PRAP1: variants seen among roughly 807,000 people sequenced by gnomAD.
The protein encoded by PRAP1 is proline rich acidic protein 1, also known as proline-rich acidic protein 1.
In PRAP1, 12 loss-of-function variants were observed where a neutral mutation model predicts 14.6. The ratio of observed to expected loss-of-function variants is 0.82; its 90% confidence interval spans 0.53 to 1.33. The LOEUF is 1.33. Ranked by LOEUF, PRAP1 falls within the 40% of genes most tolerant of loss-of-function variation. The probability of loss-of-function intolerance (pLI) is 0.00; values close to 1 mark genes in which losing one functional copy is unlikely to be tolerated. For missense variants in PRAP1, 160 were observed against 193.7 expected (o/e 0.83, Z 1.03); for synonymous variants, 81 against 80.3 (o/e 1.01, Z -0.04).
Position 133,352,266 on chromosome 10 carries a change from G to C in PRAP1, c.282G>C (p.Glu94Asp). ...CCCTAGGCACCAAGGCCTGGATGGA[G>C]ACCGAGGACACCCTGGGCCATGTCC... ...PILPGTKAWM[E>D]TEDTLGHVLS... is the part of the protein sequence containing the mutation. Residue 94 changes from glutamate (E) to aspartate (D), a missense_variant, in exon 5 of 5, where the codon GAG becomes GAC. Physicochemically the swap from Glu to Asp is conservative, Grantham distance 45. Transcript: ENST00000433452. 1 of 1,613,108 alleles carries C rather than the reference G, an allele frequency of 6.2e-7. No individual in the cohort carries two copies. Among genetic ancestry groups the C allele is most frequent in the Non-Finnish European group, 8.5e-7 (1 of 1,179,944 alleles).
chr10:133,349,976 T>C (rs1292316831), intron 1 of PRAP1, 119 bp from the exon 2 acceptor site: 2 of 811,910 alleles, frequency 2.5e-6, no homozygotes, highest in East Asian at 2.7e-5. Context: ...CCAGTAAAAC[T>C]ACCTGCGCTC....
At chr10:133,350,022 C>A in intron 1 of PRAP1, 73 bp from the exon 2 acceptor site, 3 of 1,316,660 alleles carry the variant, frequency 2.3e-6, no homozygotes, top group Non-Finnish European at 2.1e-6. Flanking sequence ...CCCAGCTGCC[C>A]ATCAGGGTGC....
At position 133,347,531 on chromosome 10, in the gene PRAP1, C is replaced by A; in HGVS notation, c.8+106C>A. 1 of 1,224,658 alleles carries A rather than the reference C, an allele frequency of 8.2e-7. No individual in the cohort carries two copies. 75.9% of individuals were successfully genotyped at this position (1,224,658 alleles called of 1,614,324 possible). ...GTGCTGCGCTCCAGGGGGCCTGGTT[C>A]AGGGGAGTGTGCGGGTGGGAGGGAG... On this transcript the variant is annotated intron_variant, in intron 1 of 4. Transcript: ENST00000433452. This position sits in a 1 kb window ranked among gnomAD's most constrained non-coding sequence, Gnocchi z 5.0.
chr10:133,352,428 C>T lies in PRAP1; in HGVS notation c.444C>T (p.Tyr148=), dbSNP rs147251039. ...LGPEEDQDHI[Y]HPQ ...CGGAGGAAGACCAAGACCACATCTA[C>T]CACCCCCAGTAGGGCTCCAGGGGCC... The change falls in exon 5 of 5, where the codon TAC becomes TAT. Residue 148 remains tyrosine (Y), a synonymous_variant. Transcript: ENST00000433452. 1.7e-5 allele frequency: 27 copies of T among 1,612,360 alleles called. No individual in the cohort carries two copies. The African/African-American group carries it at 3.2e-4, about 19-fold the overall frequency.
rs557872121 is a variant in PRAP1, at chr10:133,349,892, G to C, written c.9-203G>C. 4.6e-5 allele frequency among the ~76,000 whole-genome samples: 7 copies of C among 152,332 alleles called. No individual in the cohort carries two copies. The South Asian group carries it at 1.2e-3, about 27-fold the overall frequency. ...CTGGGGCTGTGGGCTCTGGCCTGAG[G>C]GGGGCTGGAGGCAGGTGGGCCTGGG... On this transcript the variant is annotated intron_variant, in intron 1 of 4. Coordinates refer to ENST00000433452, the MANE Select transcript of PRAP1 (RefSeq NM_145202.5).
Position 133,351,988 on chromosome 10 carries a change from G to T in PRAP1, c.129-19G>T. ...ACCTCCCCCACCTGCATGTGGACCT[G>T]ACCAAACTGTGCCAGCAGGGCCTGG... is the stretch of plus-strand genomic sequence containing the variant. On this transcript the variant is annotated intron_variant, in intron 3 of 4. Coordinates refer to ENST00000433452, the MANE Select transcript of PRAP1 (RefSeq NM_145202.5). The surrounding 1 kb of genome is among the most constrained non-coding windows in gnomAD (Gnocchi z 4.3). 6.2e-7 allele frequency: 1 copy of T among 1,610,816 alleles called. No homozygotes were observed. The highest frequency in any genetic ancestry group is 1.1e-5 in the South Asian group (1 of 90,972).
At chr10:133,350,615 A>G (rs761603826) in intron 2 of PRAP1, 1 of 165,458 alleles carries the variant, frequency 6.0e-6, no homozygotes, top group Non-Finnish European at 1.3e-5. Context: ...AGGTGACTCC[A>G]TGTGCTAGTG....
intron 1 of PRAP1, among the ~76,000 whole-genome samples, chr10:133,349,396 A>G (rs1255634805): frequency 6.6e-6 from 1 of 151,894 alleles, no homozygotes; most frequent in African/African-American, 2.4e-5. Flanking sequence ...CCACACACTG[A>G]AGCACACAGT....
At chr10:133,350,377 C>T (rs1413633424) in intron 2 of PRAP1, among the ~76,000 whole-genome samples, 6 of 152,186 alleles carry the variant, frequency 3.9e-5, no homozygotes, top group Non-Finnish European at 7.4e-5. Context: ...GGCCTCAAGA[C>T]ACCCAGGTGG....
intron 1 of PRAP1, among the ~76,000 whole-genome samples, chr10:133,349,330 C>G (rs1057475578): frequency 1.3e-5 from 2 of 151,256 alleles, no homozygotes; most frequent in African/African-American, 4.9e-5. Flanking sequence ...CATACACACA[C>G]AGCACACGCA....
chr10:133,348,517 T>G lies in PRAP1; in HGVS notation c.8+1092T>G, dbSNP rs184829868. Among the ~76,000 whole-genome samples the G allele has an allele frequency of 2.4e-4, 36 of 151,882 alleles. No homozygotes were observed. The East Asian group carries it at 5.8e-3, about 25-fold the overall frequency. On this transcript the variant is annotated intron_variant, in intron 1 of 4. Coordinates refer to ENST00000433452, the MANE Select transcript of PRAP1 (RefSeq NM_145202.5). ...ACCACCCCCAGCTAAGTTTTGTTTT[T>G]TTTTTTTTGAGACAGAGTGTCTCGC... is the stretch of plus-strand genomic sequence containing the variant.
intron 1 of PRAP1, among the ~76,000 whole-genome samples, chr10:133,349,669 A>G (rs556879525): frequency 1.1e-4 from 16 of 152,376 alleles, no homozygotes; most frequent in African/African-American, 3.8e-4. Flanking sequence ...GTGCAGCCTC[A>G]GGGCTCTGTG....
intron 1 of PRAP1, among the ~76,000 whole-genome samples, chr10:133,349,045 G>A (rs953101603): frequency 4.0e-5 from 5 of 124,592 alleles, no homozygotes; most frequent in Non-Finnish European, 6.5e-5. Context: ...CCTGACAGAC[G>A]CAAGCCTCCC....
chr10:133,351,466 C>T lies in PRAP1; in HGVS notation c.128+33C>T, dbSNP rs1166488377. On this transcript the variant is annotated intron_variant, in intron 3 of 4. Coordinates refer to ENST00000433452, the MANE Select transcript of PRAP1 (RefSeq NM_145202.5). This position sits in a 1 kb window ranked among gnomAD's most constrained non-coding sequence, Gnocchi z 4.3. ...CCCCCAACCCCACCTCCCCACCACC[C>T]ATTCCCTGAAGCTACAGCCCGTTCT... 2 of 1,529,200 alleles carry T rather than the reference C, an allele frequency of 1.3e-6. No homozygotes were observed. The highest frequency in any genetic ancestry group is 1.8e-6 in the Non-Finnish European group (2 of 1,116,166). 94.7% of individuals were successfully genotyped at this position (1,529,200 alleles called of 1,614,324 possible). A position where few individuals can be genotyped will look rare whatever the true frequency, so the allele number is the denominator to read the frequency against.
In PRAP1 at chr10:133,351,806, G is replaced by A. The variant is rs949769662; in HGVS notation, c.129-201G>A. ...CAAGGCTCTGACCACTGCTCCCCAC[G>A]CAGCCACCCAGGGACGTGGTGTGGA... On this transcript the variant is annotated intron_variant, in intron 3 of 4. Coordinates refer to ENST00000433452, the MANE Select transcript of PRAP1 (RefSeq NM_145202.5). The surrounding 1 kb of genome is among the most constrained non-coding windows in gnomAD (Gnocchi z 4.3). Among the ~76,000 whole-genome samples, 3 of 152,180 alleles carry A rather than the reference G, an allele frequency of 2.0e-5. No individual in the cohort carries two copies. The highest frequency in any genetic ancestry group is 2.1e-4 in the South Asian group (1 of 4,826).
Position 133,347,416 on chromosome 10 carries a change from A to G in PRAP1, c.-2A>G, listed in dbSNP as rs778590991. On this transcript the variant is annotated 5_prime_UTR_variant, in exon 1 of 5. Transcript: ENST00000433452. The surrounding 1 kb of genome is among the most constrained non-coding windows in gnomAD (Gnocchi z 5.0). ...CTCTCTACAGAGACGCGGACCCCAGACATGAGGAGGTAATGCCACCATCCC... is the reference window on the plus strand; with the variant it reads ...CTCTCTACAGAGACGCGGACCCCAGGCATGAGGAGGTAATGCCACCATCCC... 6.2e-7 allele frequency: 1 copy of G among 1,612,922 alleles called. No individual in the cohort carries two copies. Among genetic ancestry groups the G allele is most frequent in the South Asian group, 1.1e-5 (1 of 90,980 alleles).
chr10:133,352,199 G>A (rs1293216926), intron 4 of PRAP1, 48 bp from the exon 5 acceptor site: 4 of 1,610,810 alleles, frequency 2.5e-6, no homozygotes, highest in Non-Finnish European at 2.5e-6. Context: ...ACAGACCAAG[G>A]GTCTCGGGAA....
In PRAP1 at chr10:133,351,324, A is replaced by G; in HGVS notation, c.76-57A>G. The G allele has an allele frequency of 7.0e-7, 1 of 1,437,404 alleles. No homozygotes were observed. Among genetic ancestry groups the G allele is most frequent in the Non-Finnish European group, 9.6e-7 (1 of 1,046,936 alleles). 89.0% of individuals were successfully genotyped at this position (1,437,404 alleles called of 1,614,324 possible). A position where few individuals can be genotyped will look rare whatever the true frequency, so the allele number is the denominator to read the frequency against. On this transcript the variant is annotated intron_variant, in intron 2 of 4. Coordinates refer to ENST00000433452, the MANE Select transcript of PRAP1 (RefSeq NM_145202.5). This position sits in a 1 kb window ranked among gnomAD's most constrained non-coding sequence, Gnocchi z 4.3. ...GTGGGCCTCGGAGCAACCTCTCCCC[A>G]GGTGTCCTCCACCCGCGTGGACTGT...
At position 133,347,993 on chromosome 10, in the gene PRAP1, T is replaced by C. The variant is rs568200035; in HGVS notation, c.8+568T>C. ...GCCAGGGCCCTCCCTGCCCCTCCTC[T>C]CCTGGTGTTTCTCCCTTGTAGAGAG... On this transcript the variant is annotated intron_variant, in intron 1 of 4. Coordinates refer to ENST00000433452, the MANE Select transcript of PRAP1 (RefSeq NM_145202.5). The surrounding 1 kb of genome is among the most constrained non-coding windows in gnomAD (Gnocchi z 5.0). 6.6e-6 allele frequency among the ~76,000 whole-genome samples: 1 copy of C among 152,124 alleles called. No individual in the cohort carries two copies. The highest frequency in any genetic ancestry group is 2.1e-4 in the South Asian group (1 of 4,818).
Sources: gnomAD v4.1 joint callset for allele counts (sites outside exome capture counted in the v4.1 genomes callset) on GRCh38, gnomAD v4.1.1 for gene constraint, Gnocchi (gnomAD v3.1) non-coding constraint, MANE v1.5 for transcripts, NCBI Gene and HGNC (gene_info 2026-07-23, HGNC 2026-07-21) for gene names.